The following LVRN variants were observed in gnomAD, a reference collection of about 807,000 sequenced individuals.
The protein encoded by LVRN is aminopeptidase Q.
LVRN carries 99 observed loss-of-function variants against 111.4 expected under a neutral mutation model. That is an observed-to-expected ratio of 0.89 (90% confidence interval 0.76 to 1.05). The LOEUF (loss-of-function observed/expected upper bound fraction) is 1.05, where lower values mean the gene tolerates loss of function less well. Ranked by LOEUF, LVRN falls within the 50% of genes least tolerant of loss-of-function variation. LVRN has a pLI of 0.00. For synonymous variants in LVRN, 488 were observed against 449.5 expected (o/e 1.09, Z -1.08); for missense variants, 1,414 against 1,206.8 (o/e 1.17, Z -2.54).
At chr5:115,993,640 T>C in intron 5 of LVRN, 101 bp from the exon 6 acceptor site, 1 of 723,258 alleles carries the variant, frequency 1.4e-6, no homozygotes, top group Non-Finnish European at 2.2e-6. Context: ...TAAATTTTAA[T>C]TATGTCTTTT....
intron 1 of LVRN, among the ~76,000 whole-genome samples, chr5:115,980,749 T>C (rs1753544641): frequency 1.3e-5 from 2 of 152,146 alleles, no homozygotes; most frequent in South Asian, 2.1e-4. Flanking sequence ...TAGGCATTTG[T>C]TGGCTTTTAA....
At chr5:115,982,705 A>T (rs1202846085) in intron 1 of LVRN, among the ~76,000 whole-genome samples, 1 of 152,032 alleles carries the variant, frequency 6.6e-6, no homozygotes, top group Non-Finnish European at 1.5e-5. Flanking sequence ...TGCCATGGAG[A>T]TGGAGGAAGA....
chr5:115,976,982 T>C (rs1168877420), intron 1 of LVRN, among the ~76,000 whole-genome samples: 2 of 152,308 alleles, frequency 1.3e-5, no homozygotes, highest in East Asian at 3.9e-4. Context: ...CTAGTCTCCC[T>C]CTGTTGAATA....
At chr5:115,997,630 C>A (rs1748144589) in intron 6 of LVRN, among the ~76,000 whole-genome samples, 1 of 151,540 alleles carries the variant, frequency 6.6e-6, no homozygotes. Flanking sequence ...CACCAGTGCA[C>A]TCCAGCCTGG....
intron 6 of LVRN, among the ~76,000 whole-genome samples, chr5:115,999,030 A>C (rs1748179842): frequency 6.6e-6 from 1 of 152,180 alleles, no homozygotes. Flanking sequence ...GTTCCCGTGG[A>C]TCATGAGGGG....
At chr5:115,970,125 G>T (rs561470462) in intron 1 of LVRN, among the ~76,000 whole-genome samples, 3 of 151,962 alleles carry the variant, frequency 2.0e-5, no homozygotes, top group Non-Finnish European at 4.4e-5. Context: ...GATAAGTTTT[G>T]GCATACATAT....
chr5:116,014,220 C>T (rs1475507343), intron 15 of LVRN, among the ~76,000 whole-genome samples, 200 bp from the exon 16 acceptor site: 1 of 152,044 alleles, frequency 6.6e-6, no homozygotes, highest in Admixed American at 6.5e-5. Flanking sequence ...CTTTTTGGTG[C>T]CTAAGAGCCT....
intron 1 of LVRN, among the ~76,000 whole-genome samples, chr5:115,970,588 T>A (rs1051077512): frequency 2.0e-5 from 3 of 152,216 alleles, no homozygotes; most frequent in Admixed American, 1.3e-4. Context: ...GGTTTCACCA[T>A]GTTGGCCGAG....
intron 13 of LVRN, among the ~76,000 whole-genome samples, chr5:116,009,197 C>T (rs1199023778): frequency 1.3e-5 from 2 of 152,116 alleles, no homozygotes; most frequent in African/African-American, 4.8e-5. Context: ...GCCTGGATGA[C>T]AGCACATCTG....
intron 4 of LVRN, among the ~76,000 whole-genome samples, chr5:115,991,654 C>T (rs188321778): frequency 2.1e-4 from 32 of 152,336 alleles, no homozygotes; most frequent in African/African-American, 7.7e-4. Context: ...TGTTGCTCCA[C>T]ATCCTCATCT....
chr5:116,002,557 C>G (rs548930814), intron 10 of LVRN, among the ~76,000 whole-genome samples: 1 of 152,292 alleles, frequency 6.6e-6, no homozygotes, highest in South Asian at 2.1e-4. Context: ...ATACACACGC[C>G]TTGAAGATTT....
chr5:116,001,476 G>A (rs1417263626), intron 10 of LVRN, among the ~76,000 whole-genome samples: 1 of 152,212 alleles, frequency 6.6e-6, no homozygotes, highest in Non-Finnish European at 1.5e-5. Context: ...AGCGACCCAA[G>A]CTGTGGGCTA....
At position 115,962,835 on chromosome 5, in the gene LVRN, G is replaced by A; in HGVS notation, c.218G>A (p.Ser73Asn). The A allele has an allele frequency of 6.2e-7, 1 of 1,613,022 alleles. No homozygotes were observed. Among genetic ancestry groups the A allele is most frequent in the Non-Finnish European group, 8.5e-7 (1 of 1,179,752 alleles). The change falls in exon 1 of 20, where the codon AGC (serine) becomes AAC (asparagine). Residue 73 changes from serine (S) to asparagine (N), a missense_variant. By Grantham distance (46) the Ser-to-Asn change is conservative. Transcript: ENST00000357872. The stretch of plus-strand genomic sequence containing the variant: ...AAGCCGACGCCAACCCCGAAACCCA[G>A]CAGTGCACGCGAGCTAGCGGTGACG... ...RQKPTPTPKP[S>N]SARELAVTTT...
chr5:116,007,723 A>T (rs1237567720), intron 13 of LVRN, among the ~76,000 whole-genome samples: 1 of 152,198 alleles, frequency 6.6e-6, no homozygotes, highest in Admixed American at 6.5e-5. Flanking sequence ...TGCATTTGTT[A>T]CAAATTGAAG....
intron 1 of LVRN, among the ~76,000 whole-genome samples, chr5:115,970,141 T>C (rs73259351): frequency 0.062 from 9,464 of 152,214 alleles, 340 homozygotes; most frequent in Middle Eastern, 0.099. Flanking sequence ...CATATACATA[T>C]GTGGTGGTGA....
intron 19 of LVRN, among the ~76,000 whole-genome samples, chr5:116,022,722 G>T (rs1748758160): frequency 6.6e-6 from 1 of 152,174 alleles, no homozygotes; most frequent in African/African-American, 2.4e-5. Context: ...TCCCGTCCCA[G>T]ACCGGGCTTC....
chr5:115,996,328 C>T (rs1748109020), intron 6 of LVRN, among the ~76,000 whole-genome samples: 1 of 152,154 alleles, frequency 6.6e-6, no homozygotes, highest in Non-Finnish European at 1.5e-5. Context: ...ATTTTTGAAG[C>T]TAAGATTACA....
intron 2 of LVRN, among the ~76,000 whole-genome samples, chr5:115,984,216 T>TGG (rs888200213): frequency 1.3e-5 from 2 of 152,114 alleles, no homozygotes; most frequent in African/African-American, 4.8e-5. Flanking sequence ...TGACCTACCG[T>TGG]GGGGCCTAGG....
chr5:115,996,555 G>A (rs1427649271), intron 6 of LVRN, among the ~76,000 whole-genome samples: 1 of 152,136 alleles, frequency 6.6e-6, no homozygotes, highest in Non-Finnish European at 1.5e-5. Context: ...ATCTAGTAAT[G>A]TGATTGAAAT....
Sources: gnomAD v4.1 joint callset for allele counts (sites outside exome capture counted in the v4.1 genomes callset) on GRCh38, gnomAD v4.1.1 for gene constraint, MANE v1.5 for transcripts, NCBI Gene and HGNC (gene_info 2026-07-23, HGNC 2026-07-21) for gene names.